VPS4A: variants seen among roughly 807,000 people sequenced by gnomAD.
VPS4A encodes vacuolar protein sorting 4 homolog A, also known as vacuolar protein sorting-associated protein 4A.
A neutral mutation model predicts 52.3 loss-of-function variants in VPS4A; 20 were observed. That is an observed-to-expected ratio of 0.38 (90% CI 0.27 to 0.56). The LOEUF is 0.56. Among genes scored for constraint, VPS4A ranks in the 20% least tolerant of loss-of-function variants. The pLI, the probability that VPS4A is intolerant of heterozygous loss-of-function variation, is 0.72. For missense variants in VPS4A, 419 were observed against 575.9 expected, an observed-to-expected ratio of 0.73 and a Z score of 2.79; for synonymous variants, 293 against 227.7, an observed-to-expected ratio of 1.29 and a Z score of -2.58.
rs1195972015 is a variant in VPS4A, at chr16:69,325,912, T to A, written c.*1603T>A. 1 of 152,274 alleles carries A rather than the reference T, an allele frequency of 6.6e-6. No homozygotes were observed. Among genetic ancestry groups the A allele is most frequent in the Non-Finnish European group, 1.5e-5 (1 of 68,174 alleles). The allele number at this position is 152,274 out of a possible 1,614,324, so 9.4% of individuals were successfully genotyped here. A position where few individuals can be genotyped will look rare whatever the true frequency, so the allele number is the denominator to read the frequency against. On this transcript the variant is annotated 3_prime_UTR_variant, in exon 11 of 11. Transcript: ENST00000254950. Reference sequence around the variant, plus strand: ...CACTCATCTGTGTTGCCTGCCCAGATAGCCCCATGGCCATTTCAGTTTGCG... The same window carrying A: ...CACTCATCTGTGTTGCCTGCCCAGAAAGCCCCATGGCCATTTCAGTTTGCG...
intron 3 of VPS4A, 41 bp downstream of exon 3, chr16:69,316,413 T>G: frequency 6.2e-7 from 1 of 1,606,162 alleles, no homozygotes; most frequent in South Asian, 1.1e-5. Flanking sequence ...TGGGCCCTCC[T>G]CACGGCTCCC....
intron 1 of VPS4A, among the ~76,000 whole-genome samples, chr16:69,315,792 G>A (rs13339513): frequency 0.025 from 3,787 of 152,234 alleles, 165 homozygotes; most frequent in African/African-American, 0.086. Context: ...GCTTTTAACC[G>A]TCTGAGCTTA....
chr16:69,317,044 TC>T (rs1965445927), intron 3 of VPS4A, among the ~76,000 whole-genome samples: 1 of 148,360 alleles, frequency 6.7e-6, no homozygotes, highest in Non-Finnish European at 1.5e-5. Flanking sequence ...AGTGAGGGGG[TC>T]CCCCAGGCAG....
chr16:69,317,166 G>A (rs997559867), intron 3 of VPS4A, among the ~76,000 whole-genome samples: 1 of 152,194 alleles, frequency 6.6e-6, no homozygotes, highest in Non-Finnish European at 1.5e-5. Context: ...AGGCAGGGGT[G>A]GAGGCCAGGG....
At chr16:69,318,605 T>A in intron 3 of VPS4A, 45 bp from the exon 4 acceptor site, 1 of 1,575,424 alleles carries the variant, frequency 6.3e-7, no homozygotes, top group Non-Finnish European at 8.6e-7. Context: ...ACCTCTGTGC[T>A]CCAGGCTGAA....
intron 1 of VPS4A, among the ~76,000 whole-genome samples, chr16:69,315,754 G>T (rs967880897): frequency 6.6e-6 from 1 of 152,176 alleles, no homozygotes; most frequent in Non-Finnish European, 1.5e-5. Flanking sequence ...ATTAGGTCAG[G>T]TTTCCACTTG....
chr16:69,319,362 T>C (rs762129737), intron 5 of VPS4A, 25 bp from the exon 6 acceptor site: 1 of 1,612,756 alleles, frequency 6.2e-7, no homozygotes, highest in South Asian at 1.1e-5. Flanking sequence ...TCAGGAGGCC[T>C]AACTTCTGTG....
Position 69,320,697 on chromosome 16 carries a change from A to G in VPS4A, c.779A>G (p.Asn260Ser), listed in dbSNP as rs1433482899. The change falls in exon 8 of 11, where the codon AAT (asparagine) becomes AGT (serine). Residue 260 changes from asparagine (N) to serine (S), a missense_variant. Physicochemically the swap from Asn to Ser is conservative, Grantham distance 46. Transcript: ENST00000254950. The surrounding 1 kb of genome is among the most constrained non-coding windows in gnomAD (Gnocchi z 4.2). Reference protein sequence around the residue: ...EFLVQMQGVGNNNDGTLVLGA... With the variant: ...EFLVQMQGVGSNNDGTLVLGA... ...CTCCCTTTCTCCACAGGGGTGGGGAATAACAATGATGGGACTCTGGTTCTT... is the reference window on the plus strand; with the variant it reads ...CTCCCTTTCTCCACAGGGGTGGGGAGTAACAATGATGGGACTCTGGTTCTT... 8 of 1,604,938 alleles carry G rather than the reference A, an allele frequency of 5.0e-6. No homozygotes were observed. Among genetic ancestry groups the G allele is most frequent in the Non-Finnish European group, 6.8e-6 (8 of 1,175,892 alleles).
chr16:69,311,947 C>G (rs960954605), intron 1 of VPS4A, among the ~76,000 whole-genome samples: 1 of 152,124 alleles, frequency 6.6e-6, no homozygotes, highest in African/African-American at 2.4e-5. Flanking sequence ...CTCGACCTCA[C>G]TTCGAACAAG....
Position 69,320,474 on chromosome 16 carries a change from C to T in VPS4A, c.769+185C>T, listed in dbSNP as rs1965497048. The T allele has an allele frequency of 1.1e-6, 1 of 871,678 alleles. No individual in the cohort carries two copies. Among genetic ancestry groups the T allele is most frequent in the Non-Finnish European group, 1.7e-6 (1 of 576,614 alleles). 54.0% of individuals were successfully genotyped at this position (871,678 alleles called of 1,614,324 possible). ...TGCCTGAGGCCTCTGCCTCACGGGC[C>T]ACTCCACCCCTCCCATGGCAGGCAG... On this transcript the variant is annotated intron_variant, in intron 7 of 10. Coordinates refer to ENST00000254950, the MANE Select transcript of VPS4A (RefSeq NM_013245.3). The surrounding 1 kb of genome is among the most constrained non-coding windows in gnomAD (Gnocchi z 4.2).
chr16:69,317,097 C>A (rs1965446627), intron 3 of VPS4A, among the ~76,000 whole-genome samples: 1 of 152,146 alleles, frequency 6.6e-6, no homozygotes, highest in Admixed American at 6.5e-5. Context: ...AGAGGCGAGG[C>A]CTCCTCCTGG....
chr16:69,324,045 C>G (rs1021313777), intron 10 of VPS4A, among the ~76,000 whole-genome samples, 163 bp from the exon 11 acceptor site: 1 of 151,994 alleles, frequency 6.6e-6, no homozygotes, highest in Non-Finnish European at 1.5e-5. Context: ...TGAGCTGCCT[C>G]GAGAGGGAAG....
At chr16:69,319,862 T>C (rs1402451848) in intron 6 of VPS4A, among the ~76,000 whole-genome samples, 1 of 152,176 alleles carries the variant, frequency 6.6e-6, no homozygotes, top group East Asian at 1.9e-4. Flanking sequence ...TTGCGTGTGA[T>C]GAGACGGGCT....
At position 69,311,416 on chromosome 16, in the gene VPS4A, C is replaced by G; in HGVS notation, c.-96C>G. ...GCGCACCGCGCTCAGCGCCCACCGCCGGGCTTCCCGCGCCGGACCCAGTAC... is the reference window on the plus strand; with the variant it reads ...GCGCACCGCGCTCAGCGCCCACCGCGGGGCTTCCCGCGCCGGACCCAGTAC... On this transcript the variant is annotated 5_prime_UTR_variant, in exon 1 of 11. Coordinates refer to ENST00000254950, the MANE Select transcript of VPS4A (RefSeq NM_013245.3). The G allele has an allele frequency of 8.3e-7, 1 of 1,209,216 alleles. No homozygotes were observed. The highest frequency in any genetic ancestry group is 3.5e-5 in the East Asian group (1 of 28,976). The allele number at this position is 1,209,216 out of a possible 1,614,324, so 74.9% of individuals were successfully genotyped here.
chr16:69,325,954 G>C lies in VPS4A; in HGVS notation c.*1645G>C, dbSNP rs966867394. On this transcript the variant is annotated 3_prime_UTR_variant, in exon 11 of 11. Coordinates refer to ENST00000254950, the MANE Select transcript of VPS4A (RefSeq NM_013245.3). The stretch of plus-strand genomic sequence containing the variant: ...CAGTTTGCGACCCCCAACAGACCAA[G>C]GACCCAGAGCTGGCAGCCCTGGACC... 5 of 152,512 alleles carry C rather than the reference G, an allele frequency of 3.3e-5. No individual in the cohort carries two copies. Among genetic ancestry groups the C allele is most frequent in the Non-Finnish European group, 5.9e-5 (4 of 68,354 alleles). 9.4% of individuals were successfully genotyped at this position (152,512 alleles called of 1,614,324 possible).
rs952281589 is a variant in VPS4A at position 69,320,593 on chromosome 16, T to C, written c.770-95T>C. The C allele has an allele frequency of 2.9e-5, 32 of 1,101,168 alleles. No homozygotes were observed. The African/African-American group carries it at 3.1e-4, about 11-fold the overall frequency. The allele number at this position is 1,101,168 out of a possible 1,614,324, so 68.2% of individuals were successfully genotyped here. A position where few individuals can be genotyped will look rare whatever the true frequency, so the allele number is the denominator to read the frequency against. ...GTGGGTGGCACAGGGATGGCTTCAA[T>C]TGCTGACACACAAAGCCCCCGGGGT... On this transcript the variant is annotated intron_variant, in intron 7 of 10. Coordinates refer to ENST00000254950, the MANE Select transcript of VPS4A (RefSeq NM_013245.3). This position sits in a 1 kb window ranked among gnomAD's most constrained non-coding sequence, Gnocchi z 4.2.
At chr16:69,314,621 T>G (rs1597210968) in intron 1 of VPS4A, among the ~76,000 whole-genome samples, 1 of 152,148 alleles carries the variant, frequency 6.6e-6, no homozygotes, top group African/African-American at 2.4e-5. Flanking sequence ...CACTCACCCC[T>G]CTTCTCATCT....
chr16:69,320,407 T>C lies in VPS4A; in HGVS notation c.769+118T>C. The C allele has an allele frequency of 6.9e-7, 1 of 1,443,572 alleles. No individual in the cohort carries two copies. 89.4% of individuals were successfully genotyped at this position (1,443,572 alleles called of 1,614,324 possible). ...CAGCCTCGGAGAGGCACTCCCCAGC[T>C]CCAGCCCCTCAGGGCACGGGTGGAC... On this transcript the variant is annotated intron_variant, in intron 7 of 10. Coordinates refer to ENST00000254950, the MANE Select transcript of VPS4A (RefSeq NM_013245.3). This position sits in a 1 kb window ranked among gnomAD's most constrained non-coding sequence, Gnocchi z 4.2.
intron 9 of VPS4A, chr16:69,322,105 GAAACA>G (rs1965520756): frequency 6.0e-6 from 1 of 166,674 alleles, no homozygotes; most frequent in African/African-American, 2.4e-5. Flanking sequence ...AGAAAATGAA[GAAACA>G]AAAGTGGAAA....
Sources: allele counts gnomAD v4.1 joint callset (sites outside exome capture counted in the v4.1 genomes callset), GRCh38; gene constraint gnomAD v4.1.1; non-coding constraint Gnocchi (gnomAD v3.1); transcripts MANE v1.5; gene names NCBI Gene and HGNC (gene_info 2026-07-23, HGNC 2026-07-21).